Variants in NEBL observed in about 807,000 individuals in gnomAD.
NEBL encodes the protein LIM and SH3 protein 2.
A neutral mutation model predicts 140.2 loss-of-function variants in NEBL; 122 were observed. That is an observed-to-expected ratio of 0.87 (90% CI 0.75 to 1.01). NEBL has a LOEUF of 1.01. Among genes scored for constraint, NEBL ranks in the 50% least tolerant of loss-of-function variants. The pLI is 0.00. For missense variants in NEBL, 1,365 were observed against 1,231.3 expected, an observed-to-expected ratio of 1.11 and a Z score of -1.62; for synonymous variants, 436 against 398.9, an observed-to-expected ratio of 1.09 and a Z score of -1.11.
intron 16 of NEBL, 51 bp from the exon 17 acceptor site, chr10:20,828,685 T>G: frequency 8.1e-7 from 1 of 1,235,944 alleles, no homozygotes; most frequent in Admixed American, 1.8e-5. Context: ...TGTGCGCACA[T>G]GTGAGAGGGA....
At chr10:21,287,163 G>A (rs1046757185) in intron 1 of NEBL, among the ~76,000 whole-genome samples, 1 of 152,158 alleles carries the variant, frequency 6.6e-6, no homozygotes, top group African/African-American at 2.4e-5. Context: ...GAGGTCAGCA[G>A]TGGCAGGTCA....
intron 1 of NEBL, among the ~76,000 whole-genome samples, chr10:21,261,452 G>C (rs1842738543): frequency 6.6e-6 from 1 of 152,034 alleles, no homozygotes; most frequent in Non-Finnish European, 1.5e-5. Context: ...TTGAGCCCAG[G>C]AGTTCAAGAC....
chr10:21,091,789 C>T (rs1251969961), intron 2 of NEBL, among the ~76,000 whole-genome samples: 1 of 152,082 alleles, frequency 6.6e-6, no homozygotes, highest in Non-Finnish European at 1.5e-5. Context: ...CTACACAAGG[C>T]AAATTTTTTT....
Position 21,047,155 on chromosome 10 carries a change from A to G in NEBL, c.165-26954T>C, listed in dbSNP as rs117148104. Among the ~76,000 whole-genome samples, 1,115 of 152,352 alleles carry G rather than the reference A, an allele frequency of 7.3e-3. 40 individuals are homozygous for G. In the East Asian group the frequency reaches 0.088, roughly 12 times the overall value. The stretch of plus-strand genomic sequence containing the variant: ...AAAAGCCACACATTTAAACTATGGG[A>G]GAAAAGCAGATCATCTATTTAGTCA... On this transcript the variant is annotated intron_variant, in intron 2 of 6. Transcript: ENST00000417816.
Position 20,815,709 on chromosome 10 carries a change from G to C in NEBL, c.2157C>G (p.Tyr719Ter). 6.3e-7 allele frequency: 1 copy of C among 1,596,310 alleles called. No individual in the cohort carries two copies. The highest frequency in any genetic ancestry group is 8.6e-7 in the Non-Finnish European group (1 of 1,164,026). The stretch of plus-strand genomic sequence containing the variant: ...TGGTAGCTCTTCCCAGCTGACCTCT[G>C]TAATAAACCTATCATTTCAGAGAAC... ...ENQKNISNVY[Y>*]RGQLGRATTL... is the part of the protein sequence containing the mutation. The change falls in exon 22 of 28, where the codon TAC becomes TAG. Residue 719 changes from tyrosine to a stop codon, truncating the protein, a stop_gained. Transcript: ENST00000377122. LOFTEE classifies it high-confidence loss of function.
At chr10:21,030,272 C>T (rs769737472) in intron 2 of NEBL, 50 of 619,680 alleles carry the variant, frequency 8.1e-5, no homozygotes, top group Non-Finnish European at 1.2e-4. Context: ...CCCAAGCTGG[C>T]GAAGTGAAGA....
At chr10:20,869,002 C>A (rs1844634957) in intron 6 of NEBL, among the ~76,000 whole-genome samples, 1 of 152,116 alleles carries the variant, frequency 6.6e-6, no homozygotes, top group Non-Finnish European at 1.5e-5. Flanking sequence ...AGTGTTCAGT[C>A]ATCATCATGT....
chr10:20,940,520 A>G, intron 4 of NEBL, among the ~76,000 whole-genome samples: 1 of 144,536 alleles, frequency 6.9e-6, no homozygotes, highest in East Asian at 2.0e-4. Context: ...ATCACAATTA[A>G]AAGAACTAGA....
intron 2 of NEBL, among the ~76,000 whole-genome samples, chr10:21,040,704 T>C (rs997660303): frequency 6.6e-6 from 1 of 152,026 alleles, no homozygotes; most frequent in African/African-American, 2.4e-5. Context: ...TGGATTTGTG[T>C]CCCCACCCAA....
chr10:21,287,128 T>C (rs1843066854), intron 1 of NEBL, among the ~76,000 whole-genome samples: 1 of 152,138 alleles, frequency 6.6e-6, no homozygotes, highest in African/African-American at 2.4e-5. Flanking sequence ...GAGAAGCAAG[T>C]ACCGGCATCC....
chr10:21,281,486 CT>C (rs34747568), intron 1 of NEBL, among the ~76,000 whole-genome samples: 68,247 of 147,414 alleles, frequency 0.46, 17,777 homozygotes, highest in East Asian at 0.95. Context: ...TTCTTTCTTT[CT>C]TTTTTTTTTT....
At chr10:21,217,397 G>A (rs1019964387) in intron 3 of NEBL, among the ~76,000 whole-genome samples, 2 of 152,186 alleles carry the variant, frequency 1.3e-5, no homozygotes, top group Admixed American at 1.3e-4. Flanking sequence ...ACTCTATCTG[G>A]TTTGTTTCGG....
intron 3 of NEBL, among the ~76,000 whole-genome samples, chr10:21,205,788 T>C (rs575155947): frequency 6.6e-6 from 1 of 152,274 alleles, no homozygotes; most frequent in Non-Finnish European, 1.5e-5. Flanking sequence ...TACATAATAA[T>C]AATAATACCT....
chr10:21,174,023 C>T (rs1400226295), exon 1 of NEBL: 3 of 1,150,860 alleles, frequency 2.6e-6, no homozygotes, highest in Admixed American at 4.8e-5. Context: ...CGCCTGGGGC[C>T]GGCCGCGCTC....
chr10:20,898,380 G>C (rs1356198509), upstream of NEBL, among the ~76,000 whole-genome samples: 1 of 151,836 alleles, frequency 6.6e-6, no homozygotes, highest in Admixed American at 6.6e-5. Flanking sequence ...AAAATAGTAT[G>C]TCATTCTAAG....
chr10:21,252,645 T>C lies in NEBL; in HGVS notation n.183-817A>G, dbSNP rs1293312618. Among the ~76,000 whole-genome samples, 4 of 152,216 alleles carry C rather than the reference T, an allele frequency of 2.6e-5. No individual in the cohort carries two copies. In the East Asian group the frequency reaches 7.7e-4, roughly 29 times the overall value. On this transcript the variant is annotated intron_variant and non_coding_transcript_variant, in intron 1 of 8. Transcript: ENST00000675702. ...CACATCGAAGCATATACAAGTAGAA[T>C]ATCTTGCCTATAAAAATGAGGCAGA...
chr10:20,861,938 T>A (rs139328392), intron 7 of NEBL, among the ~76,000 whole-genome samples: 19 of 152,288 alleles, frequency 1.2e-4, no homozygotes, highest in African/African-American at 3.8e-4. Context: ...CATCACAGCT[T>A]CGCCTGGCCT....
chr10:21,031,276 C>T (rs1833772907), intron 2 of NEBL, among the ~76,000 whole-genome samples: 1 of 152,194 alleles, frequency 6.6e-6, no homozygotes, highest in Non-Finnish European at 1.5e-5. Flanking sequence ...CATGAGAAAG[C>T]TGCCACCACA....
intron 3 of NEBL, among the ~76,000 whole-genome samples, chr10:20,992,589 C>A (rs1374690878): frequency 2.0e-5 from 3 of 152,022 alleles, no homozygotes; most frequent in Non-Finnish European, 4.4e-5. Flanking sequence ...AGGGTCCTTG[C>A]TGACGGTCAC....
Sources: gnomAD v4.1 joint callset for allele counts (sites outside exome capture counted in the v4.1 genomes callset) on GRCh38, gnomAD v4.1.1 for gene constraint, MANE v1.5 for transcripts, NCBI Gene and HGNC (gene_info 2026-07-23, HGNC 2026-07-21) for gene names.